Variants in ANKRD30A observed in about 807,000 individuals in gnomAD.
ANKRD30A encodes the protein ankyrin repeat domain 30A.
ANKRD30A carries 170 observed loss-of-function variants against 166.3 expected under a neutral mutation model. The ratio of observed to expected loss-of-function variants is 1.02; its 90% CI spans 0.90 to 1.16. ANKRD30A has a LOEUF of 1.16. Ranked by LOEUF, ANKRD30A falls within the 50% of genes most tolerant of loss-of-function variation. The probability of loss-of-function intolerance (pLI) is 0.00; values close to 1 mark genes in which losing one functional copy is unlikely to be tolerated. For synonymous variants in ANKRD30A, 564 were observed against 508.9 expected, an observed-to-expected ratio of 1.11 and a Z score of -1.46; for missense variants, 1,630 against 1,518.0, an observed-to-expected ratio of 1.07 and a Z score of -1.23.
chr10:37,247,320 G>A, the ANKRD30A span, among the ~76,000 whole-genome samples: 1 of 152,116 alleles, frequency 6.6e-6, no homozygotes, highest in Admixed American at 6.6e-5. Context: ...CATTTTACAC[G>A]GGAAGGTAGT....
intron 13 of ANKRD30A, among the ~76,000 whole-genome samples, chr10:37,154,967 G>A (rs1486243668): frequency 2.6e-5 from 4 of 152,140 alleles, no homozygotes; most frequent in Non-Finnish European, 4.4e-5. Flanking sequence ...ATTTGAATAA[G>A]ATATACTTGA....
At chr10:37,130,080 C>A (rs1836285783) in intron 2 of ANKRD30A, 73 bp downstream of exon 2, 5 of 1,217,668 alleles carry the variant, frequency 4.1e-6, no homozygotes, top group Non-Finnish European at 5.3e-6. Context: ...GAATTTATCT[C>A]ATTGAAATAC....
intron 13 of ANKRD30A, among the ~76,000 whole-genome samples, chr10:37,156,872 T>G (rs1838421223): frequency 6.6e-6 from 1 of 152,150 alleles, no homozygotes; most frequent in Non-Finnish European, 1.5e-5. Flanking sequence ...ATTTAAGCAC[T>G]TTTTTTCTAA....
chr10:37,137,541 C>T (rs1484348114), intron 6 of ANKRD30A, among the ~76,000 whole-genome samples: 1 of 152,172 alleles, frequency 6.6e-6, no homozygotes, highest in Non-Finnish European at 1.5e-5. Flanking sequence ...CTGTGCTTTT[C>T]CAATGGTCTT....
At chr10:37,217,664 T>G in intron 32 of ANKRD30A, 31 bp from the exon 33 acceptor site, 1 of 1,463,542 alleles carries the variant, frequency 6.8e-7, no homozygotes, top group East Asian at 2.4e-5. Flanking sequence ...TCTAACAAAA[T>G]GAATTTTAAG....
chr10:37,236,977 T>G (rs1843697745), downstream of ANKRD30A, among the ~76,000 whole-genome samples: 1 of 152,228 alleles, frequency 6.6e-6, no homozygotes, highest in South Asian at 2.1e-4. Context: ...CACTCACTGA[T>G]GTTATGATAT....
At position 37,193,043 on chromosome 10, in the gene ANKRD30A, T is replaced by C. The variant is rs771896437; in HGVS notation, c.2513-21T>C. On this transcript the variant is annotated intron_variant, in intron 25 of 35. Transcript: ENST00000361713. ...TGTCAAGCTTGCATACAATAAATTATATATGTCCCTTTTCTTTTAGAGTCT... is the reference window on the plus strand; with the variant it reads ...TGTCAAGCTTGCATACAATAAATTACATATGTCCCTTTTCTTTTAGAGTCT... 21 of 1,606,814 alleles carry C rather than the reference T, an allele frequency of 1.3e-5. No individual in the cohort carries two copies. In the East Asian group the frequency reaches 4.2e-4, roughly 32 times the overall value.
rs1224844967 is a variant in ANKRD30A, at chr10:37,167,487, ATT to A, written c.2155+794_2155+795del. ...AATTTTGAAAACCATAAAACTCTGA[ATT>A]TATGACTTGAATACCTAAATTGTTG... On this transcript the variant is annotated intron_variant, in intron 19 of 35. Coordinates refer to ENST00000361713, the MANE Select transcript of ANKRD30A (RefSeq NM_052997.3). Among the ~76,000 whole-genome samples, 5 of 151,770 alleles carry A rather than the reference ATT, an allele frequency of 3.3e-5. No homozygotes were observed. The East Asian group carries it at 9.6e-4, about 29-fold the overall frequency.
intron 25 of ANKRD30A, among the ~76,000 whole-genome samples, chr10:37,192,175 T>C (rs963372364): frequency 2.0e-5 from 3 of 152,004 alleles, no homozygotes; most frequent in African/African-American, 4.8e-5. Context: ...TAGCTGAGAT[T>C]ACAGGCCTGT....
At chr10:37,243,424 G>A in the ANKRD30A span, among the ~76,000 whole-genome samples, 3 of 151,846 alleles carry the variant, frequency 2.0e-5, no homozygotes, top group Non-Finnish European at 4.4e-5. Flanking sequence ...GATTACAGGC[G>A]TGAGCTACCG....
chr10:37,232,654 T>TATATATATATATA (rs71007625), downstream of ANKRD30A: 81 of 54,194 alleles, frequency 1.5e-3, 1 homozygote, highest in South Asian at 5.3e-3. Context: ...AGCATTGGTT[T>TATATATATATATA]TATATATATA....
In ANKRD30A at chr10:37,200,676, T is replaced by C. The variant is rs182005514; in HGVS notation, c.2779-559T>C. 2.6e-5 allele frequency among the ~76,000 whole-genome samples: 4 copies of C among 152,250 alleles called. No homozygotes were observed. The East Asian group carries it at 7.7e-4, about 29-fold the overall frequency. Reference sequence around the variant, plus strand: ...CTATTCAAGCACTTTTTTATCACCATAAATTTTGTCAAAAACTTGTTGCTG... The same window carrying C: ...CTATTCAAGCACTTTTTTATCACCACAAATTTTGTCAAAAACTTGTTGCTG... On this transcript the variant is annotated intron_variant, in intron 30 of 35. Transcript: ENST00000361713.
intron 18 of ANKRD30A, among the ~76,000 whole-genome samples, chr10:37,166,153 A>G (rs1413605726): frequency 6.6e-5 from 10 of 152,256 alleles, no homozygotes; most frequent in Admixed American, 2.0e-4. Context: ...TCTCATCATG[A>G]CATGCATGAT....
rs770949512 is a variant in ANKRD30A at position 37,193,207 on chromosome 10, T to C, written c.2563T>C (p.Ser855Pro). ...TTAGGCTCCCTGCAGAATGAAAGTT[T>C]CTATTCCAACTAAAGCCTTAGAATT... The part of the protein sequence containing the change: ...FLKAPCRMKV[S>P]IPTKALELMD... The change falls in exon 27 of 36, where the codon TCT (serine) becomes CCT (proline). Residue 855 changes from serine to proline, a missense_variant. Physicochemically the swap from Ser to Pro is moderately conservative, Grantham distance 74. Coordinates refer to ENST00000361713, the MANE Select transcript of ANKRD30A (RefSeq NM_052997.3). 7 of 1,611,962 alleles carry C rather than the reference T, an allele frequency of 4.3e-6. No homozygotes were observed. Among genetic ancestry groups the C allele is most frequent in the Non-Finnish European group, 5.9e-6 (7 of 1,179,364 alleles).
In ANKRD30A at chr10:37,162,530, T is replaced by G. The variant is rs1483045079; in HGVS notation, c.1901-119T>G. The G allele has an allele frequency of 6.8e-6, 9 of 1,332,192 alleles. No individual in the cohort carries two copies. In the East Asian group the frequency reaches 2.1e-4, roughly 31 times the overall value. 82.5% of individuals were successfully genotyped at this position (1,332,192 alleles called of 1,614,324 possible). On this transcript the variant is annotated intron_variant, in intron 15 of 35. Transcript: ENST00000361713. ...AAACCAAAAGAAAACTTTCCAAATC[T>G]AAAGTATTCATTCTCCAATTGGAGC...
intron 34 of ANKRD30A, among the ~76,000 whole-genome samples, chr10:37,220,838 G>A (rs1842865821): frequency 1.3e-5 from 2 of 151,054 alleles, no homozygotes; most frequent in South Asian, 4.1e-4. Flanking sequence ...AGCAGCTGAG[G>A]TCAGGAGGGA....
chr10:37,214,921 T>C (rs965122320), intron 31 of ANKRD30A, among the ~76,000 whole-genome samples: 24 of 151,434 alleles, frequency 1.6e-4, no homozygotes, highest in Admixed American at 2.0e-4. Flanking sequence ...ACTTATATAT[T>C]ACCTGCTGGG....
At chr10:37,150,890 C>G (rs1330832424) in intron 11 of ANKRD30A, among the ~76,000 whole-genome samples, 1 of 151,994 alleles carries the variant, frequency 6.6e-6, no homozygotes, top group Non-Finnish European at 1.5e-5. Context: ...ATCATACACT[C>G]CACTAAGAAT....
Position 37,167,445 on chromosome 10 carries a change from A to C in ANKRD30A, c.2155+750A>C, listed in dbSNP as rs4007142. Among the ~76,000 whole-genome samples, 182 of 149,344 alleles carry C rather than the reference A, an allele frequency of 1.2e-3. 1 individual carries two copies. Among genetic ancestry groups the C allele is most frequent in the East Asian group, 3.6e-3 (18 of 4,938 alleles). ...TAAAACCTCATTAGCAAATAACATG[A>C]TACACGAAACCAGACTAATTTTGAA... On this transcript the variant is annotated intron_variant, in intron 19 of 35. Coordinates refer to ENST00000361713, the MANE Select transcript of ANKRD30A (RefSeq NM_052997.3).
Sources: allele counts gnomAD v4.1 joint callset (sites outside exome capture counted in the v4.1 genomes callset), GRCh38; gene constraint gnomAD v4.1.1; transcripts MANE v1.5; gene names NCBI Gene and HGNC (gene_info 2026-07-23, HGNC 2026-07-21).